The following ITIH5 variants were observed in gnomAD, a reference collection of about 807,000 sequenced individuals.
ITIH5 encodes inter-alpha-trypsin inhibitor heavy chain 5.
ITIH5 carries 65 observed loss-of-function variants against 77.5 expected under a neutral mutation model. The observed-to-expected ratio is 0.84, with a 90% confidence interval of 0.69 to 1.03. The LOEUF is 1.03. ITIH5 is among the 50% of genes least tolerant of loss of function. The pLI, the probability that ITIH5 is intolerant of heterozygous loss-of-function variation, is 0.00. For synonymous variants in ITIH5, 525 were observed against 494.3 expected (o/e 1.06, Z -0.82); for missense variants, 1,208 against 1,213.1 (o/e 1.00, Z 0.06).
chr10:7,565,101 T>TAC (rs1832119793), intron 13 of ITIH5, among the ~76,000 whole-genome samples: 1 of 126,992 alleles, frequency 7.9e-6, no homozygotes, highest in African/African-American at 3.7e-5. Flanking sequence ...CACACACACA[T>TAC]ACATATACAG....
intron 2 of ITIH5, among the ~76,000 whole-genome samples, chr10:7,649,971 G>A (rs1478993085): frequency 2.0e-5 from 3 of 152,154 alleles, no homozygotes; most frequent in Admixed American, 6.5e-5. Flanking sequence ...TGGGATGTCC[G>A]CTGGAAAATA....
chr10:7,641,287 A>T (rs937073597), intron 3 of ITIH5, among the ~76,000 whole-genome samples: 1 of 152,162 alleles, frequency 6.6e-6, no homozygotes, highest in African/African-American at 2.4e-5. Flanking sequence ...ACCATGGAGG[A>T]GGAAGAGCCT....
At chr10:7,602,275 C>A (rs140712405) in intron 7 of ITIH5, among the ~76,000 whole-genome samples, 1 of 152,226 alleles carries the variant, frequency 6.6e-6, no homozygotes, top group African/African-American at 2.4e-5. Context: ...TCCAGGCTCT[C>A]CATCTGAATA....
intron 7 of ITIH5, among the ~76,000 whole-genome samples, chr10:7,601,624 T>TG (rs1833017615): frequency 6.6e-6 from 1 of 152,100 alleles, no homozygotes; most frequent in Admixed American, 6.5e-5. Flanking sequence ...GACCTGCTTC[T>TG]GGGGGTCCTT....
intron 7 of ITIH5, among the ~76,000 whole-genome samples, chr10:7,590,655 C>T (rs1330574483): frequency 6.6e-6 from 1 of 152,242 alleles, no homozygotes; most frequent in African/African-American, 2.4e-5. Flanking sequence ...TGCACGCATC[C>T]ACCATGTCTT....
At chr10:7,644,830 CAT>C (rs1380573729) in intron 2 of ITIH5, among the ~76,000 whole-genome samples, 27 of 98,868 alleles carry the variant, frequency 2.7e-4, no homozygotes, top group Non-Finnish European at 3.1e-4. Flanking sequence ...ATATATATCA[CAT>C]ATATATCACA....
intron 2 of ITIH5, among the ~76,000 whole-genome samples, chr10:7,644,623 TCACATATATCA>T (rs879881898): frequency 0.1 from 12,589 of 120,378 alleles, 1,007 homozygotes; most frequent in East Asian, 0.25. Flanking sequence ...CACATATATA[TCACATATATCA>T]CATATATATC....
At chr10:7,618,170 T>C (rs1352029123) in intron 5 of ITIH5, 3 of 152,168 alleles carry the variant, frequency 2.0e-5, no homozygotes, top group African/African-American at 7.2e-5. Context: ...GGTCTTGCTA[T>C]GTTGCTCAGA....
chr10:7,597,382 A>G (rs2130999102), intron 7 of ITIH5, among the ~76,000 whole-genome samples: 1 of 152,304 alleles, frequency 6.6e-6, no homozygotes, highest in South Asian at 2.1e-4. Flanking sequence ...AACCAAAATT[A>G]AAAACTATCT....
Position 7,650,579 on chromosome 10 carries a change from G to C in ITIH5, c.135+5052C>G, listed in dbSNP as rs560971653. 1.5e-3 allele frequency among the ~76,000 whole-genome samples: 230 copies of C among 151,946 alleles called. 3 individuals carry two copies. Among genetic ancestry groups the C allele is most frequent in the African/African-American group, 5.0e-3 (209 of 41,474 alleles). On this transcript the variant is annotated intron_variant, in intron 2 of 13. Transcript: ENST00000397146. ...GTGAAACCCCGTCTCTATTAAAAAT[G>C]CAAAAAATTAGCCAGGTGTGATGAT...
intron 7 of ITIH5, among the ~76,000 whole-genome samples, chr10:7,592,800 C>T (rs1187741431): frequency 2.0e-5 from 3 of 152,176 alleles, no homozygotes; most frequent in Admixed American, 6.5e-5. Flanking sequence ...AGACCCTGCG[C>T]ACTCACAGTC....
chr10:7,568,191 C>A (rs1344349750), intron 12 of ITIH5, among the ~76,000 whole-genome samples: 2 of 152,140 alleles, frequency 1.3e-5, no homozygotes, highest in Non-Finnish European at 2.9e-5. Flanking sequence ...GGCAAAGCAG[C>A]AATTTGCAAT....
intron 5 of ITIH5, among the ~76,000 whole-genome samples, chr10:7,625,151 T>G (rs923742413): frequency 6.6e-6 from 1 of 150,982 alleles, no homozygotes. Context: ...AGACACACAG[T>G]GCAATATAAT....
At chr10:7,644,954 C>CATATAT (rs372184238) in intron 2 of ITIH5, among the ~76,000 whole-genome samples, 18 of 10,480 alleles carry the variant, frequency 1.7e-3, no homozygotes, top group African/African-American at 4.3e-3. Context: ...ATATATATCA[C>CATATAT]ACATATATAT....
intron 7 of ITIH5, among the ~76,000 whole-genome samples, chr10:7,602,372 G>T (rs574632445): frequency 6.6e-6 from 1 of 152,120 alleles, no homozygotes; most frequent in African/African-American, 2.4e-5. Context: ...GTCCCCACCC[G>T]AATCTCACCT....
At chr10:7,633,525 T>C (rs1244925441) in intron 5 of ITIH5, among the ~76,000 whole-genome samples, 1 of 152,226 alleles carries the variant, frequency 6.6e-6, no homozygotes, top group Non-Finnish European at 1.5e-5. Context: ...GATAGTGCAG[T>C]GGTTAAGGGT....
chr10:7,593,978 C>G (rs1481832539), intron 7 of ITIH5, among the ~76,000 whole-genome samples: 1 of 152,224 alleles, frequency 6.6e-6, no homozygotes. Flanking sequence ...AGAGGAGGAG[C>G]GTCCACACAG....
intron 2 of ITIH5, among the ~76,000 whole-genome samples, chr10:7,651,557 G>A (rs539029553): frequency 3.9e-5 from 6 of 152,066 alleles, no homozygotes; most frequent in African/African-American, 7.2e-5. Context: ...GCAGTGAGCC[G>A]AGATCGCACC....
intron 2 of ITIH5, among the ~76,000 whole-genome samples, chr10:7,642,523 G>T (rs1436444349): frequency 6.6e-6 from 1 of 152,090 alleles, no homozygotes; most frequent in Non-Finnish European, 1.5e-5. Context: ...CAAAAATCTC[G>T]TATTTTAAAA....
Sources: allele counts gnomAD v4.1 joint callset (sites outside exome capture counted in the v4.1 genomes callset), GRCh38; gene constraint gnomAD v4.1.1; transcripts MANE v1.5; gene names NCBI Gene and HGNC (gene_info 2026-07-23, HGNC 2026-07-21).